Variants in DNPEP observed in about 807,000 individuals in gnomAD.
DNPEP encodes aspartyl aminopeptidase.
A neutral mutation model predicts 59.1 loss-of-function variants in DNPEP; 46 were observed. The ratio of observed to expected loss-of-function variants is 0.78; its 90% CI spans 0.61 to 0.99. The LOEUF (loss-of-function observed/expected upper bound fraction) is 0.99. Among genes scored for constraint, DNPEP ranks in the 50% least tolerant of loss-of-function variants. DNPEP has a pLI of 0.00. For synonymous variants in DNPEP, 229 were observed against 242.2 expected, an observed-to-expected ratio of 0.95 and a Z score of 0.50; for missense variants, 617 against 649.9, an observed-to-expected ratio of 0.95 and a Z score of 0.55.
chr2:219,384,367 T>C lies in DNPEP; in HGVS notation c.851A>G (p.Gln284Arg), dbSNP rs765078445. 4 of 1,609,030 alleles carry C rather than the reference T, an allele frequency of 2.5e-6. 1 individual carries two copies. Among genetic ancestry groups the C allele is most frequent in the Middle Eastern group, 3.3e-4 (2 of 6,056 alleles). ...DNLHSCFCAL[Q>R]ALIDSCAGPG... ...GCCTGGGGCGCCCCGGCTCCTCACC[T>C]GCAGGGCACAGAAGCAGCTGTGCAG... The change falls in exon 9 of 15, where the codon CAG (glutamine) becomes CGG (arginine). Residue 284 changes from glutamine (Q) to arginine (R), a missense_variant and splice_region_variant. By Grantham distance (43) the Gln-to-Arg change is conservative. Transcript: ENST00000273075.
chr2:219,388,330 G>A (rs1172746685), upstream of DNPEP, among the ~76,000 whole-genome samples: 62 of 129,860 alleles, frequency 4.8e-4, no homozygotes, highest in Non-Finnish European at 7.7e-4. Context: ...CCTTCGTCAG[G>A]CCTCCTTGCG....
At chr2:219,388,694 C>A (rs553386606), upstream of DNPEP, 19 of 985,742 alleles carry the variant, frequency 1.9e-5, no homozygotes, top group East Asian at 2.2e-3. Context: ...CTCGCCCCTC[C>A]AGCTCACCGG....
At chr2:219,378,446 C>CA (rs1244064664) in intron 13 of DNPEP, among the ~76,000 whole-genome samples, 1 of 152,206 alleles carries the variant, frequency 6.6e-6, no homozygotes, top group Non-Finnish European at 1.5e-5. Flanking sequence ...ATCACGTCCT[C>CA]AGAGAAGGCT....
chr2:219,388,089 G>GCCGCCCCGC, upstream of DNPEP: 1 of 296,894 alleles, frequency 3.4e-6, no homozygotes, highest in Non-Finnish European at 4.9e-6. Flanking sequence ...CCCTAGCTTG[G>GCCGCCCCGC]CCGCACCGCC....
chr2:219,383,103 G>A (rs776847716), intron 10 of DNPEP, 28 bp downstream of exon 10: 2 of 1,605,070 alleles, frequency 1.2e-6, no homozygotes, highest in South Asian at 1.1e-5. Flanking sequence ...CTCCGCAGAG[G>A]TGACCCTCCC....
chr2:219,374,852 T>C lies in DNPEP; in HGVS notation c.1407+3A>G, dbSNP rs1317789436. ...GCCAGAGAGGGTCTGGGGTGGGTGTTACCTTGAAGAGGGTGAGGGTCTGGA... is the reference window on the plus strand; with the variant it reads ...GCCAGAGAGGGTCTGGGGTGGGTGTCACCTTGAAGAGGGTGAGGGTCTGGA... On this transcript the variant is annotated splice_donor_region_variant and intron_variant, in intron 14 of 14. Coordinates refer to ENST00000273075, the MANE Select transcript of DNPEP (RefSeq NM_012100.4). 6.2e-7 allele frequency: 1 copy of C among 1,611,848 alleles called. No individual in the cohort carries two copies. The highest frequency in any genetic ancestry group is 8.5e-7 in the Non-Finnish European group (1 of 1,178,174).
upstream of DNPEP, among the ~76,000 whole-genome samples, chr2:219,393,032 C>T (rs577079097): frequency 7.2e-5 from 11 of 152,174 alleles, no homozygotes; most frequent in South Asian, 2.1e-4. Context: ...ACATCCAAGC[C>T]GCGCTGCCTG....
chr2:219,398,455 G>C (rs1954133294), intron 1 of DNPEP, among the ~76,000 whole-genome samples: 4 of 152,222 alleles, frequency 2.6e-5, no homozygotes, highest in Admixed American at 2.6e-4. Flanking sequence ...TTCGAGGCCA[G>C]TCTGGCCAAC....
rs1473075772 is a variant in DNPEP at position 219,399,805 on chromosome 2, G to A, written c.-158+135C>T. 2.3e-6 allele frequency: 3 copies of A among 1,320,958 alleles called. No homozygotes were observed. In the African/African-American group the frequency reaches 6.5e-5, roughly 29 times the overall value. 81.8% of individuals were successfully genotyped at this position (1,320,958 alleles called of 1,614,324 possible). ...CTAAGCCAGTGCGTGGCTCATGGAA[G>A]GCTGGTGCCTAGGAACGTGTCTGCA... On this transcript the variant is annotated intron_variant, in intron 1 of 6. Coordinates refer to the DNPEP transcript ENST00000434339.
chr2:219,386,314 A>G lies in DNPEP; in HGVS notation c.431T>C (p.Leu144Pro), dbSNP rs1953829597. 6.2e-7 allele frequency: 1 copy of G among 1,614,096 alleles called. No individual in the cohort carries two copies. Among genetic ancestry groups the G allele is most frequent in the African/African-American group, 1.3e-5 (1 of 74,934 alleles). Residue 144 changes from leucine to proline, a missense_variant, in exon 5 of 15, where the codon CTG becomes CCG. Leu to Pro is a moderately conservative substitution (Grantham distance 98). Transcript: ENST00000273075. The part of the protein sequence containing the change: ...GIWSTWFDRD[L>P]TLAGRVIVKC... The stretch of plus-strand genomic sequence containing the variant: ...GACAATGACGCGTCCAGCCAGAGTC[A>G]GGTCACGGTCAAACCAGGTGCTCCA...
In DNPEP at chr2:219,387,770, C is replaced by G; in HGVS notation, c.25G>C (p.Gly9Arg). The G allele has an allele frequency of 6.2e-6, 10 of 1,605,044 alleles. No homozygotes were observed. Among genetic ancestry groups the G allele is most frequent in the Non-Finnish European group, 8.5e-6 (10 of 1,176,552 alleles). Residue 9 changes from glycine (G) to arginine (R), a missense_variant, in exon 1 of 15, where the codon GGG (glycine) becomes CGG (arginine). Coordinates refer to ENST00000273075, the MANE Select transcript of DNPEP (RefSeq NM_012100.4). ...CGGGAGCCACTTACCTGCATGGCCC[C>G]GCGCGTGGGGCTGTGTCCGCTCATC... Reference protein sequence around the residue: MSGHSPTRGAMQVAMNGKA... With the variant: MSGHSPTRRAMQVAMNGKA...
In DNPEP at chr2:219,387,166, A is replaced by AT; in HGVS notation, c.37-4_37-3insA. 1.3e-6 allele frequency: 2 copies of AT among 1,555,088 alleles called. No homozygotes were observed. The highest frequency in any genetic ancestry group is 2.4e-5 in the South Asian group (2 of 84,768). ...CGGGCCTTACCGTTCATGGCCACCT[A>AT]GGGGAGGGGGATGCTCAGACTTTTA... is the stretch of plus-strand genomic sequence containing the variant. On this transcript the variant is annotated splice_polypyrimidine_tract_variant and splice_region_variant and intron_variant, in intron 1 of 14. Transcript: ENST00000273075.
At chr2:219,376,231 T>G (rs765345021) in intron 13 of DNPEP, among the ~76,000 whole-genome samples, 2 of 152,174 alleles carry the variant, frequency 1.3e-5, no homozygotes, top group African/African-American at 2.4e-5. Flanking sequence ...CTCACGCCTG[T>G]AATCCCAGCA....
At chr2:219,386,234 G>T in intron 5 of DNPEP, 52 bp downstream of exon 5, 1 of 1,613,164 alleles carries the variant, frequency 6.2e-7, no homozygotes, top group Non-Finnish European at 8.5e-7. Context: ...CCTGAGGAGT[G>T]TGGCAGTCAG....
intron 13 of DNPEP, among the ~76,000 whole-genome samples, chr2:219,379,867 G>A (rs919553846): frequency 4.6e-5 from 7 of 151,990 alleles, no homozygotes; most frequent in South Asian, 2.1e-4. Context: ...GCAGTGAGCC[G>A]AGATCGTGCC....
intron 9 of DNPEP, among the ~76,000 whole-genome samples, chr2:219,383,572 T>C (rs1304282820): frequency 6.6e-6 from 1 of 152,024 alleles, no homozygotes; most frequent in Non-Finnish European, 1.5e-5. Context: ...GGTGTTGTTC[T>C]CTACCTTCCC....
intron 11 of DNPEP, 62 bp from the exon 12 acceptor site, chr2:219,381,646 C>G (rs1202241862): frequency 6.5e-7 from 1 of 1,540,840 alleles, no homozygotes; most frequent in Non-Finnish European, 9.0e-7. Flanking sequence ...ACACTCACCA[C>G]CCTCCCATGG....
At position 219,387,860 on chromosome 2, in the gene DNPEP, C is replaced by A. The variant is rs1282442211; in HGVS notation, c.-66G>T. On this transcript the variant is annotated 5_prime_UTR_variant, in exon 1 of 15. Transcript: ENST00000273075. ...CCCGCCCCTCACTAGCTTTGCAGGT[C>A]CCCCGCGTGCCCCTTCAGGCCGCGC... 6.3e-5 allele frequency: 93 copies of A among 1,481,144 alleles called. No individual in the cohort carries two copies. Among genetic ancestry groups the A allele is most frequent in the Middle Eastern group, 4.8e-4 (2 of 4,130 alleles). 91.8% of individuals were successfully genotyped at this position (1,481,144 alleles called of 1,614,324 possible).
At chr2:219,379,163 C>T (rs758103169) in intron 13 of DNPEP, among the ~76,000 whole-genome samples, 12 of 152,098 alleles carry the variant, frequency 7.9e-5, no homozygotes, top group Non-Finnish European at 1.5e-4. Context: ...GTGATCCACC[C>T]GCCTCGGCCT....
Sources: allele counts gnomAD v4.1 joint callset (sites outside exome capture counted in the v4.1 genomes callset), GRCh38; gene constraint gnomAD v4.1.1; transcripts MANE v1.5; gene names NCBI Gene and HGNC (gene_info 2026-07-23, HGNC 2026-07-21).